Variants in SRPX observed in about 807,000 individuals in gnomAD.
SRPX encodes the protein sushi repeat-containing protein SRPX.
In SRPX, 24 loss-of-function variants were observed where a neutral mutation model predicts 38.1. The ratio of observed to expected loss-of-function variants is 0.63; its 90% CI spans 0.46 to 0.89. The LOEUF (loss-of-function observed/expected upper bound fraction) is 0.89. Among genes scored for constraint, SRPX ranks in the 40% least tolerant of loss-of-function variants. SRPX has a pLI of 0.00. For synonymous variants in SRPX, 184 were observed against 153.8 expected (o/e 1.20, Z -1.45); for missense variants, 416 against 377.8 (o/e 1.10, Z -0.84).
At chrX:38,216,884 G>A (rs1260949680) in intron 1 of SRPX, among the ~76,000 whole-genome samples, 10 of 112,481 alleles carry the variant, frequency 8.9e-5, no homozygotes, top group Admixed American at 5.6e-4. Context: ...TCCAGCTTGC[G>A]GTTGCAGTCA....
At chrX:38,173,615 A>G (rs1938515296) in intron 3 of SRPX, among the ~76,000 whole-genome samples, 1 of 110,826 alleles carries the variant, frequency 9.0e-6, no homozygotes, top group East Asian at 2.8e-4. Flanking sequence ...ACACCCAGCT[A>G]ATTTTTTGTA....
intron 1 of SRPX, among the ~76,000 whole-genome samples, chrX:38,211,564 G>A (rs1230491854): frequency 9.0e-6 from 1 of 111,275 alleles, no homozygotes; most frequent in Non-Finnish European, 1.9e-5. Context: ...GATAGGTGTG[G>A]TGGTACGCGC....
intron 2 of SRPX, among the ~76,000 whole-genome samples, chrX:38,177,164 G>A (rs1430830798): frequency 8.9e-6 from 1 of 111,939 alleles, no homozygotes; most frequent in Non-Finnish European, 1.9e-5. Context: ...CCCATAAATA[G>A]TTAAGAAGTT....
At chrX:38,174,049 T>C in intron 3 of SRPX, 111 bp downstream of exon 3, 1 of 614,563 alleles carries the variant, frequency 1.6e-6, no homozygotes, top group Admixed American at 4.9e-5. Flanking sequence ...GTCCCCCTGA[T>C]CATAAGGAGA....
chrX:38,169,850 A>G (rs1316914391), intron 4 of SRPX, among the ~76,000 whole-genome samples: 1 of 111,892 alleles, frequency 8.9e-6, no homozygotes, highest in Non-Finnish European at 1.9e-5. Flanking sequence ...TTCTATCTAA[A>G]TGCCAACATA....
In SRPX at chrX:38,149,570, A is replaced by G; in HGVS notation, c.*141T>C. On this transcript the variant is annotated 3_prime_UTR_variant, in exon 10 of 10. Transcript: ENST00000378533. ...TACAAAAAGCAGCATGCTAATTTTT[A>G]AGTGCAAAGAAAGCTCATAATAAAA... The G allele has an allele frequency of 1.7e-6, 1 of 598,344 alleles. No homozygotes were observed. The highest frequency in any genetic ancestry group is 2.4e-6 in the Non-Finnish European group (1 of 417,033). The allele number at this position is 598,344 out of a possible 1,213,427, so 49.3% of individuals were successfully genotyped here. A position where few individuals can be genotyped will look rare whatever the true frequency, so the allele number is the denominator to read the frequency against.
chrX:38,172,321 C>A (rs929071085), intron 3 of SRPX, among the ~76,000 whole-genome samples: 1 of 112,328 alleles, frequency 8.9e-6, no homozygotes, highest in Non-Finnish European at 1.9e-5. Flanking sequence ...GGCGTGGTGG[C>A]GCATGCCTGT....
At chrX:38,219,429 G>A (rs945644244) in intron 1 of SRPX, among the ~76,000 whole-genome samples, 3 of 110,974 alleles carry the variant, frequency 2.7e-5, no homozygotes, top group Non-Finnish European at 5.7e-5. Context: ...AAGGGGGTGG[G>A]AGAGGAGGTA....
At chrX:38,216,541 T>A (rs1037521519) in intron 1 of SRPX, among the ~76,000 whole-genome samples, 2 of 112,483 alleles carry the variant, frequency 1.8e-5, no homozygotes, top group Admixed American at 1.9e-4. Flanking sequence ...AGTTAAGACA[T>A]CACACAGTCA....
chrX:38,161,192 G>C, intron 5 of SRPX, 138 bp from the exon 6 acceptor site: 1 of 671,445 alleles, frequency 1.5e-6, no homozygotes, highest in Non-Finnish European at 2.1e-6. Flanking sequence ...AAAATTTCTT[G>C]AAGAATAGAA....
intron 1 of SRPX, among the ~76,000 whole-genome samples, chrX:38,193,219 T>C (rs969433124): frequency 9.0e-6 from 1 of 111,113 alleles, no homozygotes; most frequent in African/African-American, 3.3e-5. Context: ...TGAATTCACA[T>C]GAAACCTATC....
intron 1 of SRPX, among the ~76,000 whole-genome samples, chrX:38,192,666 A>G (rs1273870732): frequency 3.5e-5 from 4 of 112,704 alleles, no homozygotes; most frequent in African/African-American, 1.3e-4. Flanking sequence ...GGATGCTGCA[A>G]CTTGTCAATA....
rs189333737 is a variant in SRPX at position 38,156,172 on chromosome X, C to T, written c.1089+724G>A. Among the ~76,000 whole-genome samples the T allele has an allele frequency of 4.2e-3, 471 of 111,807 alleles. 12 individuals carry two copies. The highest frequency in any genetic ancestry group is 0.035 in the Admixed American group (366 of 10,531). On this transcript the variant is annotated intron_variant, in intron 8 of 9. Coordinates refer to ENST00000378533, the MANE Select transcript of SRPX (RefSeq NM_006307.5). ...CTTTAGTATTCAGTGAAGTTGGCCA[C>T]TCTTTTGCAAACCAGCCTCAGGACA...
intron 1 of SRPX, among the ~76,000 whole-genome samples, chrX:38,194,863 G>GTTTTTTTTTTTT (rs35179239): frequency 3.7e-5 from 2 of 53,665 alleles, no homozygotes; most frequent in Non-Finnish European, 6.5e-5. Flanking sequence ...TTTGTTTTTG[G>GTTTTTTTTTTTT]TTTTTTTTTT....
chrX:38,165,168 T>A (rs1938342182), intron 4 of SRPX, among the ~76,000 whole-genome samples: 1 of 112,091 alleles, frequency 8.9e-6, no homozygotes. Context: ...TTACAGCCTT[T>A]CCTCCCCATG....
intron 1 of SRPX, among the ~76,000 whole-genome samples, chrX:38,193,616 C>A (rs1938945430): frequency 8.9e-6 from 1 of 112,205 alleles, no homozygotes. Context: ...TTGCAAATGG[C>A]AACTTTTTGT....
intron 3 of SRPX, among the ~76,000 whole-genome samples, chrX:38,172,865 T>C (rs1043275596): frequency 3.6e-5 from 4 of 112,658 alleles, no homozygotes; most frequent in Non-Finnish European, 5.6e-5. Context: ...ATGCTTTCTC[T>C]TGTGAAAAGA....
chrX:38,212,189 A>G (rs1312307480), intron 1 of SRPX, among the ~76,000 whole-genome samples: 2 of 112,510 alleles, frequency 1.8e-5, no homozygotes, highest in Non-Finnish European at 3.8e-5. Context: ...AGGCTAAGCC[A>G]GGCAGGGGCT....
intron 5 of SRPX, among the ~76,000 whole-genome samples, chrX:38,161,888 C>T: frequency 9.0e-6 from 1 of 111,486 alleles, no homozygotes. Context: ...CATATAATTC[C>T]CCATCTCCCT....
Sources: gnomAD v4.1 joint callset for allele counts (sites outside exome capture counted in the v4.1 genomes callset) on GRCh38, gnomAD v4.1.1 for gene constraint, MANE v1.5 for transcripts, NCBI Gene and HGNC (gene_info 2026-07-23, HGNC 2026-07-21) for gene names.